The following TAMM41 variants were observed in gnomAD, a reference collection of about 807,000 sequenced individuals.
TAMM41 encodes phosphatidate cytidylyltransferase, mitochondrial.
TAMM41 carries 36 observed loss-of-function variants against 44.1 expected under a neutral mutation model. The ratio of observed to expected loss-of-function variants is 0.82; its 90% CI spans 0.63 to 1.08. The LOEUF (loss-of-function observed/expected upper bound fraction) is 1.08. Ranked by LOEUF, TAMM41 falls within the 50% of genes least tolerant of loss-of-function variation. The pLI, the probability that TAMM41 is intolerant of heterozygous loss-of-function variation, is 0.00. For missense variants in TAMM41, 417 were observed against 404.3 expected (o/e 1.03, Z -0.27); for synonymous variants, 164 against 153.1 (o/e 1.07, Z -0.53).
the TAMM41 span, chr3:11,771,421 A>C: frequency 6.6e-6 from 1 of 152,376 alleles, no homozygotes; most frequent in African/African-American, 2.4e-5. Flanking sequence ...CGTCTGGCTC[A>C]TGGCAAACCT....
chr3:11,762,030 G>A, the TAMM41 span, among the ~76,000 whole-genome samples: 1 of 151,804 alleles, frequency 6.6e-6, no homozygotes, highest in South Asian at 2.1e-4. Context: ...GAAGCAGGAG[G>A]TCTGAGTTGT....
At chr3:11,743,522 C>T in the TAMM41 span, among the ~76,000 whole-genome samples, 1,395 of 151,744 alleles carry the variant, frequency 9.2e-3, 20 homozygotes, top group African/African-American at 0.032. Flanking sequence ...TTAGCGGAGA[C>T]GGGTTTCACC....
At chr3:11,801,463 TA>T (rs1345435341) in intron 7 of TAMM41, among the ~76,000 whole-genome samples, 1 of 152,052 alleles carries the variant, frequency 6.6e-6, no homozygotes, top group African/African-American at 2.4e-5. Context: ...TAGCTGGGAC[TA>T]CAGGCACATA....
At position 11,807,482 on chromosome 3, in the gene TAMM41, AAGGGGAAGAGG is replaced by A. The variant is rs1246631456; in HGVS notation, c.937+340_937+350del. 6 of 1,536,168 alleles carry A rather than the reference AAGGGGAAGAGG, an allele frequency of 3.9e-6. No individual in the cohort carries two copies. In the South Asian group the frequency reaches 5.9e-5, roughly 15 times the overall value. ...ACAGATGGAAGCAGTTGTCTCAGAGAAGGGGAAGAGGAGGGGGAGCACAGATGCTGCTGTTT... is the reference window on the plus strand; with the variant it reads ...ACAGATGGAAGCAGTTGTCTCAGAGAAGGGGGAGCACAGATGCTGCTGTTT... On this transcript the variant is annotated intron_variant, in intron 7 of 7. Coordinates refer to ENST00000455809, the MANE Select transcript of TAMM41 (RefSeq NM_001284401.2).
chr3:11,731,933 C>A, the TAMM41 span, among the ~76,000 whole-genome samples: 1 of 150,540 alleles, frequency 6.6e-6, no homozygotes, highest in Admixed American at 6.7e-5. Context: ...GAAGCACAAT[C>A]TCGGCTCACT....
At chr3:11,768,808 C>T in the TAMM41 span, among the ~76,000 whole-genome samples, 1 of 152,208 alleles carries the variant, frequency 6.6e-6, no homozygotes, top group African/African-American at 2.4e-5. Flanking sequence ...ATAAATATGT[C>T]ATTGCGGTCG....
chr3:11,839,933 T>A (rs1320474580), intron 2 of TAMM41, among the ~76,000 whole-genome samples: 2 of 152,150 alleles, frequency 1.3e-5, no homozygotes, highest in African/African-American at 4.8e-5. Flanking sequence ...CTAAGGTTGG[T>A]CTTTTGAGAT....
chr3:11,781,403 A>G, the TAMM41 span, among the ~76,000 whole-genome samples: 1 of 152,142 alleles, frequency 6.6e-6, no homozygotes, highest in African/African-American at 2.4e-5. Flanking sequence ...TGGGGTGGGT[A>G]GAACAGCATG....
intron 4 of TAMM41, among the ~76,000 whole-genome samples, chr3:11,828,591 G>A (rs954620276): frequency 6.6e-6 from 1 of 152,196 alleles, no homozygotes; most frequent in Non-Finnish European, 1.5e-5. Context: ...CACACAGTGT[G>A]CATGTGACCT....
chr3:11,813,472 G>C (rs2078153832), intron 5 of TAMM41, among the ~76,000 whole-genome samples: 2 of 152,192 alleles, frequency 1.3e-5, no homozygotes, highest in African/African-American at 2.4e-5. Flanking sequence ...GGAGGTTGCA[G>C]TGAGCCGAGA....
chr3:11,843,971 C>T (rs979218929), intron 2 of TAMM41, 58 bp downstream of exon 2: 47 of 1,558,356 alleles, frequency 3.0e-5, no homozygotes, highest in South Asian at 2.0e-4. Context: ...TTAGCTGGCA[C>T]TCTAATAACC....
At chr3:11,787,490 C>G (rs2077424278), downstream of TAMM41, among the ~76,000 whole-genome samples, 1 of 152,102 alleles carries the variant, frequency 6.6e-6, no homozygotes, top group South Asian at 2.1e-4. Context: ...TCCCAGCCTC[C>G]CAACATCTTT....
the TAMM41 span, among the ~76,000 whole-genome samples, chr3:11,736,812 C>T: frequency 1.3e-5 from 2 of 152,096 alleles, no homozygotes; most frequent in African/African-American, 4.8e-5. Flanking sequence ...GGCCACTCTT[C>T]CTATTTAGGG....
chr3:11,753,812 T>C, the TAMM41 span, among the ~76,000 whole-genome samples: 1 of 151,924 alleles, frequency 6.6e-6, no homozygotes, highest in Non-Finnish European at 1.5e-5. Flanking sequence ...AACAGGAGTG[T>C]GCTTGGTGCA....
the TAMM41 span, among the ~76,000 whole-genome samples, chr3:11,759,009 C>G: frequency 6.6e-6 from 1 of 152,122 alleles, no homozygotes; most frequent in Admixed American, 6.6e-5. Flanking sequence ...TTTAATCTCC[C>G]CCAAATCCCA....
At chr3:11,761,804 G>A in the TAMM41 span, among the ~76,000 whole-genome samples, 107 of 151,880 alleles carry the variant, frequency 7.0e-4, 1 homozygote, top group South Asian at 2.1e-4. Context: ...AAAATTAGCC[G>A]TGCGTGGTGG....
At chr3:11,724,244 C>T in the TAMM41 span, among the ~76,000 whole-genome samples, 1 of 150,026 alleles carries the variant, frequency 6.7e-6, no homozygotes, top group African/African-American at 2.5e-5. Context: ...GCTGGGATCA[C>T]AGGCATGTGC....
the TAMM41 span, among the ~76,000 whole-genome samples, chr3:11,742,975 GA>G: frequency 1.3e-4 from 20 of 152,092 alleles, no homozygotes; most frequent in African/African-American, 4.8e-4. Flanking sequence ...ACTAAAGCCA[GA>G]AAAACTCATT....
intron 7 of TAMM41, among the ~76,000 whole-genome samples, chr3:11,796,642 C>A (rs760648845): frequency 2.0e-5 from 3 of 152,068 alleles, no homozygotes; most frequent in Admixed American, 6.5e-5. Context: ...AGATGACATA[C>A]GAGCTGGCTG....
Sources: gnomAD v4.1 joint callset for allele counts (sites outside exome capture counted in the v4.1 genomes callset) on GRCh38, gnomAD v4.1.1 for gene constraint, MANE v1.5 for transcripts, NCBI Gene and HGNC (gene_info 2026-07-23, HGNC 2026-07-21) for gene names.